TOP1MT: variants seen among roughly 807,000 people sequenced by gnomAD.
TOP1MT encodes DNA topoisomerase I, mitochondrial.
TOP1MT carries 80 observed loss-of-function variants against 73.9 expected under a neutral mutation model. That is an observed-to-expected ratio of 1.08 (90% CI 0.90 to 1.30). The LOEUF (loss-of-function observed/expected upper bound fraction) is 1.30. Among genes scored for constraint, TOP1MT ranks in the 50% most tolerant of loss-of-function variants. TOP1MT has a pLI of 0.00. For synonymous variants in TOP1MT, 338 were observed against 326.4 expected (o/e 1.04, Z -0.38); for missense variants, 815 against 808.0 (o/e 1.01, Z -0.10).
intron 12 of TOP1MT, among the ~76,000 whole-genome samples, chr8:143,314,927 A>G (rs13265898): frequency 0.38 from 57,462 of 152,064 alleles, 13,502 homozygotes; most frequent in East Asian, 0.68. Context: ...AGTGAGGAGT[A>G]ACCAGAAGAC....
At chr8:143,333,112 T>C (rs904975870) in intron 1 of TOP1MT, among the ~76,000 whole-genome samples, 1 of 151,992 alleles carries the variant, frequency 6.6e-6, no homozygotes, top group Non-Finnish European at 1.5e-5. Flanking sequence ...AGATGGATCA[T>C]GTCGGGTGTG....
At chr8:143,359,238 CA>C, upstream of TOP1MT, 2 of 982,720 alleles carry the variant, frequency 2.0e-6, no homozygotes, top group Non-Finnish European at 2.4e-6. Flanking sequence ...TGCGCCAGAC[CA>C]AAAGAAAAAA....
At chr8:143,310,379 G>A (rs969398647) in intron 12 of TOP1MT, 162 bp from the exon 13 acceptor site, 2 of 566,590 alleles carry the variant, frequency 3.5e-6, no homozygotes, top group Non-Finnish European at 5.8e-6. Flanking sequence ...GATCAAAGGT[G>A]GAAGCTCAGC....
intron 12 of TOP1MT, among the ~76,000 whole-genome samples, chr8:143,310,888 G>A (rs919012769): frequency 2.4e-4 from 36 of 152,304 alleles, no homozygotes; most frequent in Non-Finnish European, 3.2e-4. Flanking sequence ...GTGAAAACAA[G>A]GAGGGAAAAC....
chr8:143,315,747 T>G lies in TOP1MT; in HGVS notation c.1533A>C (p.Gln511His), dbSNP rs533790101. 5.0e-6 allele frequency: 8 copies of G among 1,613,954 alleles called. No homozygotes were observed. In the African/African-American group the frequency reaches 9.3e-5, roughly 19 times the overall value. Reference protein sequence around the residue: ...LRRARAEHKAQGDGKSRSVLE... With the variant: ...LRRARAEHKAHGDGKSRSVLE... ...CTCACCTCCTGGACTTGCCATCCCC[T>G]TGGGCTTTGTGCTCAGCCCTCGCCC... The change falls in exon 12 of 14, where the codon CAA (glutamine) becomes CAC (histidine). Residue 511 changes from glutamine (Q) to histidine (H), a missense_variant. By Grantham distance (24) the Gln-to-His change is conservative (BLOSUM62 0). Coordinates refer to ENST00000329245, the MANE Select transcript of TOP1MT (RefSeq NM_052963.3).
Position 143,321,397 on chromosome 8 carries a change from G to A in TOP1MT, c.961-11C>T, listed in dbSNP as rs767029664. ...TGCTCTCAGTGCCAGCTAGTTGGTG[G>A]GGAATGGTCAAAGTGGGTGGTGCGT... On this transcript the variant is annotated splice_polypyrimidine_tract_variant and intron_variant, in intron 7 of 13. Coordinates refer to ENST00000329245, the MANE Select transcript of TOP1MT (RefSeq NM_052963.3). The A allele has an allele frequency of 5.1e-6, 8 of 1,570,742 alleles. No homozygotes were observed. Among genetic ancestry groups the A allele is most frequent in the Middle Eastern group, 1.7e-4 (1 of 5,726 alleles).
At position 143,314,465 on chromosome 8, in the gene TOP1MT, G is replaced by A. The variant is rs557835762; in HGVS notation, c.1553+1262C>T. 1.0e-3 allele frequency among the ~76,000 whole-genome samples: 152 copies of A among 151,960 alleles called. 1 individual carries two copies. The highest frequency in any genetic ancestry group is 3.1e-3 in the African/African-American group (127 of 41,462). On this transcript the variant is annotated intron_variant, in intron 12 of 13. Coordinates refer to ENST00000329245, the MANE Select transcript of TOP1MT (RefSeq NM_052963.3). ...ATAAATGAGCCGGGCGTGGTGGCGC[G>A]CACCTGTAACCCCAGCTACTCGGGA...
chr8:143,336,481 T>C (rs981650139), upstream of TOP1MT, among the ~76,000 whole-genome samples: 4 of 152,166 alleles, frequency 2.6e-5, no homozygotes, highest in Non-Finnish European at 4.4e-5. Context: ...GCTAACCTCA[T>C]ATGCCAGAAG....
chr8:143,316,256 G>GAGTGAGGGCCAAGGGTC, intron 10 of TOP1MT, 130 bp from the exon 11 acceptor site: 2 of 1,423,746 alleles, frequency 1.4e-6, no homozygotes, highest in Non-Finnish European at 1.9e-6. Context: ...GGGATGGGGA[G>GAGTGAGGGCCAAGGGTC]AGTGAGGGCC....
At chr8:143,350,887 G>C (rs1817308510) in intron 1 of TOP1MT, among the ~76,000 whole-genome samples, 3 of 152,172 alleles carry the variant, frequency 2.0e-5, no homozygotes, top group Admixed American at 1.3e-4. Flanking sequence ...GACAGAGACT[G>C]TCCTCGACCA....
At chr8:143,323,465 TGCTCACCACACAC>T (rs1816594958) in intron 7 of TOP1MT, among the ~76,000 whole-genome samples, 2 of 29,042 alleles carry the variant, frequency 6.9e-5, no homozygotes, top group Non-Finnish European at 1.2e-4. Flanking sequence ...GCCACACACA[TGCTCACCACACAC>T]GCACGCCACA....
intron 12 of TOP1MT, among the ~76,000 whole-genome samples, chr8:143,312,017 A>G (rs1030326724): frequency 6.6e-6 from 1 of 152,132 alleles, no homozygotes; most frequent in Non-Finnish European, 1.5e-5. Context: ...AGATGGTTTC[A>G]CTGGTGAATT....
At chr8:143,312,082 T>C (rs1443806539) in intron 12 of TOP1MT, among the ~76,000 whole-genome samples, 1 of 152,186 alleles carries the variant, frequency 6.6e-6, no homozygotes, top group African/African-American at 2.4e-5. Context: ...TAGTCTCAGC[T>C]ATTCAGGAGG....
At chr8:143,347,817 C>T (rs975266843), upstream of TOP1MT, among the ~76,000 whole-genome samples, 2 of 152,050 alleles carry the variant, frequency 1.3e-5, no homozygotes, top group East Asian at 1.9e-4. Context: ...GTGGGCTGTG[C>T]GGGACCACCG....
At chr8:143,353,963 CAAAAAAAAAAAA>C (rs1186472770) in intron 1 of TOP1MT, among the ~76,000 whole-genome samples, 1 of 47,606 alleles carries the variant, frequency 2.1e-5, no homozygotes, top group Non-Finnish European at 3.3e-5. Context: ...GACTCCATCC[CAAAAAAAAAAAA>C]AAAAAAAAAA....
upstream of TOP1MT, among the ~76,000 whole-genome samples, chr8:143,335,686 C>A (rs942551812): frequency 6.6e-6 from 1 of 152,268 alleles, no homozygotes; most frequent in African/African-American, 2.4e-5. Flanking sequence ...CCCGGTAAAA[C>A]CCTGACACCA....
intron 1 of TOP1MT, among the ~76,000 whole-genome samples, chr8:143,354,681 C>T (rs113178966): frequency 0.033 from 5,014 of 151,452 alleles, 267 homozygotes; most frequent in African/African-American, 0.12. Flanking sequence ...CATTGCACTC[C>T]AGCCTGGGCA....
At position 143,341,315 on chromosome 8, in the gene TOP1MT, C is replaced by T. The variant is rs1817076303; in HGVS notation, c.29+1905G>A. ...CCAGGTCCTCTTCCAGAGCCCCCTT[C>T]CGGCTGGGCACCGCCTGCAGGGCCA... On this transcript the variant is annotated intron_variant, in intron 2 of 5. Transcript: ENST00000518007. This position sits in a 1 kb window ranked among gnomAD's most constrained non-coding sequence, Gnocchi z 4.1. Among the ~76,000 whole-genome samples the T allele has an allele frequency of 6.6e-6, 1 of 152,196 alleles. No individual in the cohort carries two copies. The highest frequency in any genetic ancestry group is 1.5e-5 in the Non-Finnish European group (1 of 68,028).
At position 143,334,857 on chromosome 8, in the gene TOP1MT, C is replaced by G. The variant is rs1816952377; in HGVS notation, c.5G>C (p.Arg2Pro). 6 of 1,474,916 alleles carry G rather than the reference C, an allele frequency of 4.1e-6. No individual in the cohort carries two copies. In the East Asian group the frequency reaches 1.7e-4, roughly 42 times the overall value. The allele number at this position is 1,474,916 out of a possible 1,614,324, so 91.4% of individuals were successfully genotyped here. ...CCGGAGCCGCAGCAGCCGCACCACG[C>G]GCATCTGCCAGCCTCCGGGAAAGAG... M[R>P]VVRLLRLRAA... Residue 2 changes from arginine to proline, a missense_variant, in exon 1 of 14, where the codon CGC becomes CCC. Coordinates refer to ENST00000329245, the MANE Select transcript of TOP1MT (RefSeq NM_052963.3).
Sources: allele counts gnomAD v4.1 joint callset (sites outside exome capture counted in the v4.1 genomes callset), GRCh38; gene constraint gnomAD v4.1.1; non-coding constraint Gnocchi (gnomAD v3.1); transcripts MANE v1.5; gene names NCBI Gene and HGNC (gene_info 2026-07-23, HGNC 2026-07-21).